Variants in AKAP13 observed in about 807,000 individuals in gnomAD.
The protein encoded by AKAP13 is A-kinase anchor protein 13.
A neutral mutation model predicts 264.5 loss-of-function variants in AKAP13; 80 were observed. The observed-to-expected ratio is 0.30, with a 90% confidence interval of 0.25 to 0.36. AKAP13 has a LOEUF of 0.36. Ranked by LOEUF, AKAP13 falls within the 10% of genes least tolerant of loss-of-function variation. AKAP13 has a pLI of 1.00. For synonymous variants in AKAP13, 1,380 were observed against 1,250.2 expected, an observed-to-expected ratio of 1.10 and a Z score of -2.19; for missense variants, 3,712 against 3,435.2, an observed-to-expected ratio of 1.08 and a Z score of -2.01.
intron 10 of AKAP13, among the ~76,000 whole-genome samples, chr15:85,650,774 A>AAAAAAAAAAAAAAAAAC (rs1391202348): frequency 1.4e-5 from 2 of 143,326 alleles, no homozygotes; most frequent in Non-Finnish European, 3.0e-5. Flanking sequence ...AAAAAAAAAA[A>AAAAAAAAAAAAAAAAAC]AAAAAAAAAA....
intron 17 of AKAP13, among the ~76,000 whole-genome samples, chr15:85,703,918 G>A (rs562703354): frequency 5.3e-5 from 8 of 150,630 alleles, no homozygotes; most frequent in Non-Finnish European, 1.0e-4. Flanking sequence ...CAGGGTCTCT[G>A]TTAAAGATTT....
intron 14 of AKAP13, 28 bp downstream of exon 14, chr15:85,669,858 A>T (rs764148429): frequency 6.8e-7 from 1 of 1,464,820 alleles, no homozygotes; most frequent in Admixed American, 1.7e-5. Context: ...TAAAAAAATT[A>T]AATATATTAA....
chr15:85,617,163 T>C (rs901722516), intron 8 of AKAP13, among the ~76,000 whole-genome samples: 5 of 152,250 alleles, frequency 3.3e-5, no homozygotes, highest in Non-Finnish European at 5.9e-5. Context: ...TCACAAAATA[T>C]CTGTTACATT....
At chr15:85,463,003 G>A (rs1398583686) in intron 1 of AKAP13, among the ~76,000 whole-genome samples, 5 of 116,388 alleles carry the variant, frequency 4.3e-5, no homozygotes, top group East Asian at 2.3e-4. Context: ...CAGCCTGGGC[G>A]ACAGAGCGAG....
chr15:85,487,104 AC>A (rs2075577427), intron 2 of AKAP13, among the ~76,000 whole-genome samples: 2 of 152,172 alleles, frequency 1.3e-5, no homozygotes, highest in African/African-American at 2.4e-5. Flanking sequence ...GATCCCTGAA[AC>A]TATAGCCTTG....
At chr15:85,741,711 A>AC (rs2088988201) in intron 35 of AKAP13, among the ~76,000 whole-genome samples, 2 of 80,168 alleles carry the variant, frequency 2.5e-5, no homozygotes, top group African/African-American at 4.6e-5. Flanking sequence ...AAAAAAAAAA[A>AC]AAAAACAAAC....
At chr15:85,484,761 G>A (rs953278458) in intron 1 of AKAP13, among the ~76,000 whole-genome samples, 2 of 152,120 alleles carry the variant, frequency 1.3e-5, no homozygotes, top group African/African-American at 4.8e-5. Context: ...CCCAACAGTT[G>A]GTCATTTCAA....
At chr15:85,501,505 T>C (rs2076036560) in intron 2 of AKAP13, among the ~76,000 whole-genome samples, 1 of 152,246 alleles carries the variant, frequency 6.6e-6, no homozygotes, top group Non-Finnish European at 1.5e-5. Flanking sequence ...TGTGCATTTG[T>C]ATGCAGTAGA....
chr15:85,448,045 C>G (rs9972489), intron 1 of AKAP13, among the ~76,000 whole-genome samples: 2 of 152,090 alleles, frequency 1.3e-5, no homozygotes, highest in South Asian at 4.1e-4. Context: ...GTTTTTTTGA[C>G]TTTTTAATAA....
intron 1 of AKAP13, among the ~76,000 whole-genome samples, chr15:85,443,012 G>T (rs1031131435): frequency 6.6e-6 from 1 of 152,020 alleles, no homozygotes; most frequent in South Asian, 2.1e-4. Flanking sequence ...TAAATAATTT[G>T]CCCAGTGTCA....
chr15:85,604,970 A>G (rs2080255708), intron 8 of AKAP13, among the ~76,000 whole-genome samples: 1 of 152,182 alleles, frequency 6.6e-6, no homozygotes, highest in African/African-American at 2.4e-5. Context: ...GATGTTAATA[A>G]TCTATAGATG....
At chr15:85,390,752 A>G (rs891514792) in intron 1 of AKAP13, among the ~76,000 whole-genome samples, 3 of 152,222 alleles carry the variant, frequency 2.0e-5, no homozygotes, top group Non-Finnish European at 4.4e-5. Context: ...AAATAGAACT[A>G]TAGGATTACT....
chr15:85,485,593 T>C (rs72754528), intron 1 of AKAP13, 117 bp from the exon 2 acceptor site: 5 of 803,226 alleles, frequency 6.2e-6, no homozygotes, highest in Non-Finnish European at 1.0e-5. Flanking sequence ...CATATGGTAA[T>C]CTCGGGCACG....
At chr15:85,498,551 G>A (rs1194123274) in intron 2 of AKAP13, among the ~76,000 whole-genome samples, 1 of 151,916 alleles carries the variant, frequency 6.6e-6, no homozygotes, top group Non-Finnish European at 1.5e-5. Context: ...ATCTCTGCAC[G>A]TGAGGATGGT....
At chr15:85,719,514 A>G (rs183021443) in intron 23 of AKAP13, among the ~76,000 whole-genome samples, 188 bp downstream of exon 23, 1 of 152,268 alleles carries the variant, frequency 6.6e-6, no homozygotes, top group Non-Finnish European at 1.5e-5. Context: ...TTTCTCTCCT[A>G]ATGTTATTTT....
At chr15:85,582,504 T>C (rs1009551249) in intron 7 of AKAP13, among the ~76,000 whole-genome samples, 1 of 152,198 alleles carries the variant, frequency 6.6e-6, no homozygotes, top group African/African-American at 2.4e-5. Flanking sequence ...CTGTGTTTTA[T>C]CTACAAGCCT....
At chr15:85,641,629 G>T (rs897679028) in intron 9 of AKAP13, among the ~76,000 whole-genome samples, 2 of 151,234 alleles carry the variant, frequency 1.3e-5, no homozygotes, top group Non-Finnish European at 3.0e-5. Flanking sequence ...GGGACTACAG[G>T]TGCCTGCCAC....
At chr15:85,544,966 A>G (rs2077688384) in intron 5 of AKAP13, among the ~76,000 whole-genome samples, 1 of 152,270 alleles carries the variant, frequency 6.6e-6, no homozygotes. Flanking sequence ...CTCAGAATGT[A>G]GTGCTACTTA....
At position 85,399,512 on chromosome 15, in the gene AKAP13, A is replaced by AT. The variant is rs1567038543; in HGVS notation, c.-12+18714_-12+18715insT. On this transcript the variant is annotated intron_variant, in intron 1 of 36. Coordinates refer to ENST00000394518, the MANE Select transcript of AKAP13 (RefSeq NM_007200.5). ...AGCGAGACTCCGTCTCAAAAAAAAA[A>AT]AAAAAAAAAATAAAAAAATAAAAAA... Among the ~76,000 whole-genome samples the AT allele has an allele frequency of 1.8e-3, 165 of 89,624 alleles. 1 individual carries two copies. Among genetic ancestry groups the AT allele is most frequent in the Non-Finnish European group, 2.8e-3 (105 of 37,060 alleles). 58.8% of individuals were successfully genotyped at this position (89,624 alleles called of 152,430 possible).
Sources: allele counts gnomAD v4.1 joint callset (sites outside exome capture counted in the v4.1 genomes callset), GRCh38; gene constraint gnomAD v4.1.1; transcripts MANE v1.5; gene names NCBI Gene and HGNC (gene_info 2026-07-23, HGNC 2026-07-21).